KTN1: variants seen among roughly 807,000 people sequenced by gnomAD.
The protein encoded by KTN1 is kinectin.
KTN1 carries 130 observed loss-of-function variants against 222.5 expected under a neutral mutation model. That is an observed-to-expected ratio of 0.58 (90% CI 0.51 to 0.68). The LOEUF is 0.68. Among genes scored for constraint, KTN1 ranks in the 30% least tolerant of loss-of-function variants. The pLI, the probability that KTN1 is intolerant of heterozygous loss-of-function variation, is 0.00. For missense variants in KTN1, 1,508 were observed against 1,500.4 expected (o/e 1.01, Z -0.08); for synonymous variants, 512 against 496.3 (o/e 1.03, Z -0.42).
intron 15 of KTN1, 32 bp from the exon 16 acceptor site, chr14:55,640,901 G>A (rs759898217): frequency 6.3e-7 from 1 of 1,598,274 alleles, no homozygotes; most frequent in Non-Finnish European, 8.6e-7. Context: ...TTCCTGTGAA[G>A]TGATATCATT....
intron 20 of KTN1, among the ~76,000 whole-genome samples, chr14:55,648,345 C>G (rs2042603524): frequency 6.6e-6 from 1 of 152,180 alleles, no homozygotes; most frequent in Non-Finnish European, 1.5e-5. Context: ...AGTTTCCCCA[C>G]TTGCACCAAA....
chr14:55,612,256 G>A lies in KTN1; in HGVS notation c.208G>A (p.Gly70Arg), dbSNP rs369430795. The part of the protein sequence containing the change: ...KKNKKKEIQN[G>R]NLHESDSESV... Reference sequence around the variant, plus strand: ...GAATAAAAAGAAAGAAATCCAGAATGGAAACCTCCATGAATCCGACTCTGA... The same window carrying A: ...GAATAAAAAGAAAGAAATCCAGAATAGAAACCTCCATGAATCCGACTCTGA... The change falls in exon 2 of 44, where the codon GGA becomes AGA. Residue 70 changes from glycine (G) to arginine (R), a missense_variant. By Grantham distance (125) the Gly-to-Arg change is moderately radical. Transcript: ENST00000395314. The A allele has an allele frequency of 3.8e-5, 61 of 1,592,652 alleles. No individual in the cohort carries two copies. Among genetic ancestry groups the A allele is most frequent in the Non-Finnish European group, 4.9e-5 (58 of 1,174,898 alleles).
intron 32 of KTN1, chr14:55,663,383 G>C (rs545007394): frequency 5.9e-6 from 1 of 170,184 alleles, no homozygotes; most frequent in Non-Finnish European, 1.3e-5. Flanking sequence ...TGATCAACTA[G>C]CTCATACAAT....
intron 7 of KTN1, among the ~76,000 whole-genome samples, chr14:55,631,945 T>G (rs1344531693): frequency 6.6e-6 from 1 of 152,200 alleles, no homozygotes; most frequent in Non-Finnish European, 1.5e-5. Flanking sequence ...TGGTAAAATA[T>G]TGCTTTGATA....
chr14:55,601,277 G>A (rs1458338914), intron 1 of KTN1, among the ~76,000 whole-genome samples: 1 of 152,190 alleles, frequency 6.6e-6, no homozygotes, highest in Non-Finnish European at 1.5e-5. Context: ...AAATAACTGT[G>A]TTGCAGTTTA....
At chr14:55,654,738 C>T (rs2043288999) in intron 28 of KTN1, among the ~76,000 whole-genome samples, 1 of 152,024 alleles carries the variant, frequency 6.6e-6, no homozygotes, top group Non-Finnish European at 1.5e-5. Context: ...TCATAGTTTC[C>T]ATTAGGAAAC....
chr14:55,626,879 T>TC (rs1294353204), intron 5 of KTN1, among the ~76,000 whole-genome samples: 3 of 152,090 alleles, frequency 2.0e-5, no homozygotes, highest in African/African-American at 7.2e-5. Flanking sequence ...TTTTTTTCTT[T>TC]TCCTTCTTGA....
intron 41 of KTN1, among the ~76,000 whole-genome samples, chr14:55,677,249 G>A (rs1425041833): frequency 6.6e-6 from 1 of 152,086 alleles, no homozygotes; most frequent in African/African-American, 2.4e-5. Context: ...GCCAAGGTGG[G>A]CGGATCACCT....
chr14:55,652,137 G>C (rs1025490815), intron 25 of KTN1, among the ~76,000 whole-genome samples: 1 of 152,100 alleles, frequency 6.6e-6, no homozygotes, highest in African/African-American at 2.4e-5. Flanking sequence ...GTCTTTTCAT[G>C]ATTTATAATC....
chr14:55,652,786 A>C, intron 25 of KTN1, 64 bp from the exon 26 acceptor site: 1 of 1,116,662 alleles, frequency 9.0e-7, no homozygotes, highest in Non-Finnish European at 1.3e-6. Flanking sequence ...TTCAGTGTCT[A>C]AGATTTTTGC....
intron 6 of KTN1, among the ~76,000 whole-genome samples, chr14:55,628,996 A>T (rs775238101): frequency 8.5e-4 from 129 of 152,356 alleles, no homozygotes; most frequent in Middle Eastern, 3.4e-3. Context: ...TAGAGCAGGA[A>T]CATGATTAGT....
Position 55,627,952 on chromosome 14 carries a change from A to T in KTN1, c.1004A>T (p.Gln335Leu), listed in dbSNP as rs2040052310. The change falls in exon 6 of 44, where the codon CAA becomes CTA. Residue 335 changes from glutamine to leucine, a missense_variant. Gln to Leu is a moderately radical substitution (Grantham distance 113). Coordinates refer to ENST00000395314, the MANE Select transcript of KTN1 (RefSeq NM_001079521.2). ...GELTTLIHQL[Q>L]EKDKLLAAVK... ...TTGACTACGCTTATACATCAGCTTC[A>T]AGAAAAGGACAAGTTACTCGCTGCT... 2.5e-6 allele frequency: 4 copies of T among 1,613,856 alleles called. No homozygotes were observed. The highest frequency in any genetic ancestry group is 3.4e-6 in the Non-Finnish European group (4 of 1,179,766).
At chr14:55,619,141 T>A (rs755041332) in intron 4 of KTN1, 41 bp from the exon 5 acceptor site, 4 of 1,543,080 alleles carry the variant, frequency 2.6e-6, no homozygotes, top group Non-Finnish European at 3.5e-6. Flanking sequence ...TTGTGTTTTT[T>A]AAATGCCAAC....
At chr14:55,664,348 T>C (rs937280858) in intron 33 of KTN1, among the ~76,000 whole-genome samples, 80 of 152,252 alleles carry the variant, frequency 5.3e-4, no homozygotes, top group African/African-American at 1.8e-3. Flanking sequence ...TTAAGATAAC[T>C]TTCATGAAAA....
chr14:55,580,682 G>A (rs1016600297), intron 1 of KTN1, among the ~76,000 whole-genome samples: 2 of 152,054 alleles, frequency 1.3e-5, no homozygotes, highest in Non-Finnish European at 2.9e-5. Context: ...CGACTCTCCC[G>A]AAGGCGAGGT....
chr14:55,653,185 G>C, intron 27 of KTN1, 100 bp downstream of exon 27: 1 of 833,564 alleles, frequency 1.2e-6, no homozygotes, highest in Non-Finnish European at 1.9e-6. Context: ...GAGTTTCTTT[G>C]CCAGAAAAAT....
At position 55,656,033 on chromosome 14, in the gene KTN1, A is replaced by C. The variant is rs946391306; in HGVS notation, c.2802-9A>C. 4 of 1,564,264 alleles carry C rather than the reference A, an allele frequency of 2.6e-6. No individual in the cohort carries two copies. The highest frequency in any genetic ancestry group is 2.3e-5 in the East Asian group (1 of 44,232). On this transcript the variant is annotated splice_polypyrimidine_tract_variant and intron_variant, in intron 28 of 43. Transcript: ENST00000395314. ...TTTAGTTAATGCAGATCTTTGTAAA[A>C]AATTCTAGGTTGAAAGAAAAGGAAA... is the stretch of plus-strand genomic sequence containing the variant.
chr14:55,600,786 A>G (rs2035861028), intron 1 of KTN1, among the ~76,000 whole-genome samples: 1 of 152,184 alleles, frequency 6.6e-6, no homozygotes, highest in Non-Finnish European at 1.5e-5. Context: ...AACTGATTTT[A>G]TGTGATTTGA....
chr14:55,619,108 C>A, intron 4 of KTN1, 74 bp from the exon 5 acceptor site: 1 of 1,225,490 alleles, frequency 8.2e-7, no homozygotes, highest in Non-Finnish European at 1.2e-6. Flanking sequence ...ATTCTTCATG[C>A]TTACCTTTGC....
Sources: allele counts gnomAD v4.1 joint callset (sites outside exome capture counted in the v4.1 genomes callset), GRCh38; gene constraint gnomAD v4.1.1; transcripts MANE v1.5; gene names NCBI Gene and HGNC (gene_info 2026-07-23, HGNC 2026-07-21).